Variants in CDKAL1 observed in about 807,000 individuals in gnomAD.
CDKAL1 encodes the protein threonylcarbamoyladenosine tRNA methylthiotransferase.
In CDKAL1, 32 loss-of-function variants were observed where a neutral mutation model predicts 68.2. The ratio of observed to expected loss-of-function variants is 0.47; its 90% confidence interval spans 0.35 to 0.63. The LOEUF is 0.63. Among genes scored for constraint, CDKAL1 ranks in the 30% least tolerant of loss-of-function variants. The pLI, the probability that CDKAL1 is intolerant of heterozygous loss-of-function variation, is 0.00. For synonymous variants in CDKAL1, 234 were observed against 244.3 expected (o/e 0.96, Z 0.39); for missense variants, 606 against 696.7 (o/e 0.87, Z 1.47).
At chr6:21,001,284 G>A (rs1035292822) in intron 11 of CDKAL1, among the ~76,000 whole-genome samples, 1 of 152,074 alleles carries the variant, frequency 6.6e-6, no homozygotes, top group Non-Finnish European at 1.5e-5. Context: ...CTATGTCAGA[G>A]TACTGCATGG....
chr6:20,760,413 G>A (rs920075511), intron 7 of CDKAL1, among the ~76,000 whole-genome samples: 4 of 152,178 alleles, frequency 2.6e-5, no homozygotes, highest in African/African-American at 4.8e-5. Flanking sequence ...CATTTATTGT[G>A]TACCTACAGT....
At chr6:20,999,047 A>G (rs538528126) in intron 10 of CDKAL1, among the ~76,000 whole-genome samples, 64 of 152,316 alleles carry the variant, frequency 4.2e-4, no homozygotes, top group African/African-American at 1.5e-3. Context: ...CTTTGATTCC[A>G]TAAGATCCTT....
chr6:20,609,373 CCTTCTT>C (rs200074365), intron 4 of CDKAL1, among the ~76,000 whole-genome samples: 84 of 107,824 alleles, frequency 7.8e-4, no homozygotes, highest in East Asian at 3.3e-3. Flanking sequence ...TTCTCCTTCT[CCTTCTT>C]CTTCTTCTTC....
chr6:20,607,550 T>C (rs190230907), intron 4 of CDKAL1, among the ~76,000 whole-genome samples: 14,298 of 151,984 alleles, frequency 0.094, 778 homozygotes, highest in African/African-American at 0.12. Flanking sequence ...GAGTGGTGGC[T>C]ACCGATATTT....
intron 9 of CDKAL1, among the ~76,000 whole-genome samples, chr6:20,939,275 A>G (rs1424259518): frequency 6.6e-6 from 1 of 152,132 alleles, no homozygotes; most frequent in Non-Finnish European, 1.5e-5. Flanking sequence ...TGCATTTACT[A>G]ATTTCTCTCC....
intron 9 of CDKAL1, among the ~76,000 whole-genome samples, chr6:20,943,398 T>C (rs1002684276): frequency 5.3e-5 from 8 of 151,696 alleles, no homozygotes; most frequent in Admixed American, 5.3e-4. Context: ...TGATGTGGCT[T>C]CTTTTGTTTA....
At chr6:20,856,557 C>T (rs1233538315) in intron 9 of CDKAL1, among the ~76,000 whole-genome samples, 1 of 152,148 alleles carries the variant, frequency 6.6e-6, no homozygotes, top group Non-Finnish European at 1.5e-5. Flanking sequence ...GGGTATCTAA[C>T]GTTTTACCAA....
intron 4 of CDKAL1, among the ~76,000 whole-genome samples, chr6:20,647,594 C>T (rs1561994712): frequency 6.6e-6 from 1 of 152,136 alleles, no homozygotes. Context: ...CAAGAATTGT[C>T]TACACACAGT....
intron 5 of CDKAL1, among the ~76,000 whole-genome samples, chr6:20,697,474 T>G (rs75357992): frequency 0.046 from 6,995 of 152,258 alleles, 182 homozygotes; most frequent in Middle Eastern, 0.082. Context: ...CATTGTATAA[T>G]TTAAGCAAAA....
At chr6:21,181,341 G>GGGAC (rs1427821542) in intron 13 of CDKAL1, among the ~76,000 whole-genome samples, 1 of 152,138 alleles carries the variant, frequency 6.6e-6, no homozygotes, top group Non-Finnish European at 1.5e-5. Flanking sequence ...ATTGGGTGTT[G>GGGAC]GGACCTTCAA....
intron 9 of CDKAL1, among the ~76,000 whole-genome samples, chr6:20,907,771 C>T (rs1762295972): frequency 6.6e-6 from 1 of 152,128 alleles, no homozygotes; most frequent in Admixed American, 6.5e-5. Flanking sequence ...CAGCCCACCA[C>T]CCGAGGTGGA....
At chr6:20,628,440 A>G (rs955100239) in intron 4 of CDKAL1, among the ~76,000 whole-genome samples, 1 of 152,166 alleles carries the variant, frequency 6.6e-6, no homozygotes, top group African/African-American at 2.4e-5. Flanking sequence ...ACAATACTTA[A>G]GGCACCAAAG....
chr6:21,184,222 T>C (rs1467724738), intron 13 of CDKAL1, among the ~76,000 whole-genome samples: 1 of 145,898 alleles, frequency 6.9e-6, no homozygotes, highest in African/African-American at 2.6e-5. Context: ...TGAGGTGGAG[T>C]CTCGCTCTGT....
At chr6:20,800,531 T>A (rs562213055) in intron 8 of CDKAL1, 2 of 152,332 alleles carry the variant, frequency 1.3e-5, no homozygotes, top group African/African-American at 4.8e-5. Context: ...GATGTTTTCA[T>A]ATATATGTAT....
At chr6:21,107,049 G>A (rs984578502) in intron 12 of CDKAL1, among the ~76,000 whole-genome samples, 2 of 149,428 alleles carry the variant, frequency 1.3e-5, no homozygotes, top group Admixed American at 6.8e-5. Context: ...CCGGGTTCAC[G>A]CCATTCTCCT....
chr6:20,654,326 T>C (rs984731523), intron 5 of CDKAL1, among the ~76,000 whole-genome samples: 1 of 152,022 alleles, frequency 6.6e-6, no homozygotes, highest in Non-Finnish European at 1.5e-5. Context: ...TAATCATTTA[T>C]TTGTGGCCAT....
intron 11 of CDKAL1, among the ~76,000 whole-genome samples, chr6:21,020,774 C>CTTTTTTT (rs60084439): frequency 1.5e-5 from 2 of 132,820 alleles, no homozygotes; most frequent in Admixed American, 7.6e-5. Flanking sequence ...GCCTTTTTTC[C>CTTTTTTT]TTTTTTTTTT....
At chr6:20,859,168 C>T (rs1759486287) in intron 9 of CDKAL1, among the ~76,000 whole-genome samples, 1 of 151,732 alleles carries the variant, frequency 6.6e-6, no homozygotes, top group Admixed American at 6.6e-5. Flanking sequence ...CTTTGAAGTT[C>T]ATGGATTCTC....
chr6:20,917,569 A>G (rs911876227), intron 9 of CDKAL1, among the ~76,000 whole-genome samples: 1 of 152,062 alleles, frequency 6.6e-6, no homozygotes, highest in African/African-American at 2.4e-5. Flanking sequence ...GGTTATATGA[A>G]TAAGCTCTTT....
Sources: allele counts gnomAD v4.1 joint callset (sites outside exome capture counted in the v4.1 genomes callset), GRCh38; gene constraint gnomAD v4.1.1; transcripts MANE v1.5; gene names NCBI Gene and HGNC (gene_info 2026-07-23, HGNC 2026-07-21).